RETREG1: variants seen among roughly 807,000 people sequenced by gnomAD.
RETREG1 encodes the protein reticulophagy regulator 1.
In RETREG1, 44 loss-of-function variants were observed where a neutral mutation model predicts 54.8. The ratio of observed to expected loss-of-function variants is 0.80; its 90% CI spans 0.63 to 1.03. The LOEUF is 1.03. RETREG1 is among the 50% of genes least tolerant of loss of function. The pLI is 0.00. For synonymous variants in RETREG1, 217 were observed against 238.5 expected (o/e 0.91, Z 0.83); for missense variants, 554 against 605.1 (o/e 0.92, Z 0.89).
chr5:16,536,312 C>T (rs1364840887), intron 3 of RETREG1, among the ~76,000 whole-genome samples: 1 of 152,150 alleles, frequency 6.6e-6, no homozygotes, highest in Non-Finnish European at 1.5e-5. Context: ...GCAGGAAGCC[C>T]ACACTGATTC....
At chr5:16,589,316 GT>G (rs796283033) in intron 1 of RETREG1, among the ~76,000 whole-genome samples, 199 of 141,722 alleles carry the variant, frequency 1.4e-3, no homozygotes, top group East Asian at 9.9e-3. Flanking sequence ...AAACTTGAGT[GT>G]TTTTTTTTTT....
intron 1 of RETREG1, among the ~76,000 whole-genome samples, chr5:16,575,584 G>T (rs1288775766): frequency 1.3e-5 from 2 of 152,220 alleles, no homozygotes; most frequent in Admixed American, 1.3e-4. Context: ...CCACAGGCCT[G>T]GCTGCCAGAC....
chr5:16,563,462 A>G (rs1434641451), intron 3 of RETREG1, among the ~76,000 whole-genome samples: 1 of 151,902 alleles, frequency 6.6e-6, no homozygotes, highest in Non-Finnish European at 1.5e-5. Context: ...TCTCCCTACC[A>G]TTGCCCAGGC....
intron 1 of RETREG1, among the ~76,000 whole-genome samples, chr5:16,573,047 GT>G (rs1742222333): frequency 6.6e-6 from 1 of 151,868 alleles, no homozygotes; most frequent in African/African-American, 2.4e-5. Flanking sequence ...GCCAGGCATG[GT>G]GGCGTGCGCC....
intron 1 of RETREG1, among the ~76,000 whole-genome samples, chr5:16,590,414 G>A (rs913061058): frequency 2.6e-5 from 4 of 152,170 alleles, no homozygotes; most frequent in African/African-American, 7.2e-5. Flanking sequence ...TTCCTTCAAG[G>A]TTCTTTTATG....
At chr5:16,569,937 C>G (rs753964634) in intron 2 of RETREG1, among the ~76,000 whole-genome samples, 4 of 152,198 alleles carry the variant, frequency 2.6e-5, no homozygotes, top group African/African-American at 9.7e-5. Context: ...ATGGAATGCC[C>G]GCAACTCCCA....
chr5:16,493,221 A>G (rs1013638579), intron 3 of RETREG1, among the ~76,000 whole-genome samples: 3 of 152,218 alleles, frequency 2.0e-5, no homozygotes, highest in Non-Finnish European at 4.4e-5. Flanking sequence ...ATCCACCTAG[A>G]TCATTTGGGA....
At chr5:16,569,833 T>A (rs1742125963) in intron 2 of RETREG1, among the ~76,000 whole-genome samples, 1 of 152,150 alleles carries the variant, frequency 6.6e-6, no homozygotes, top group Non-Finnish European at 1.5e-5. Flanking sequence ...CAATCGTAAG[T>A]GTACTTACAA....
rs1741858725 is a variant in RETREG1 at position 16,561,626 on chromosome 5, CA to C, written c.458+4136del. ...AAGGAGAGAAATAGCCTAAGTCTAA[CA>C]AAAGCCCTAGAATAGGGAGCTTCTC... On this transcript the variant is annotated intron_variant, in intron 3 of 8. Coordinates refer to ENST00000306320, the MANE Select transcript of RETREG1 (RefSeq NM_001034850.3). This position sits in a 1 kb window ranked among gnomAD's most constrained non-coding sequence, Gnocchi z 4.2. 6.6e-6 allele frequency among the ~76,000 whole-genome samples: 1 copy of C among 152,170 alleles called. No individual in the cohort carries two copies. The highest frequency in any genetic ancestry group is 2.4e-5 in the African/African-American group (1 of 41,432).
At chr5:16,611,870 GC>G (rs1371961561) in intron 1 of RETREG1, among the ~76,000 whole-genome samples, 1 of 152,108 alleles carries the variant, frequency 6.6e-6, no homozygotes, top group Non-Finnish European at 1.5e-5. Context: ...TTCGTGACCA[GC>G]CTGACCAATA....
At chr5:16,518,238 ATATAAG>A (rs1424472217) in intron 3 of RETREG1, among the ~76,000 whole-genome samples, 2 of 148,064 alleles carry the variant, frequency 1.4e-5, no homozygotes, top group Non-Finnish European at 3.0e-5. Context: ...TTTATATATT[ATATAAG>A]TATATTATGG....
intron 8 of RETREG1, among the ~76,000 whole-genome samples, chr5:16,477,172 A>T (rs1239622715): frequency 6.6e-6 from 1 of 152,068 alleles, no homozygotes; most frequent in South Asian, 2.1e-4. Flanking sequence ...ACATTGACTG[A>T]TTTATTTTCC....
chr5:16,480,770 A>G (rs1313548976), intron 5 of RETREG1, among the ~76,000 whole-genome samples: 1 of 152,102 alleles, frequency 6.6e-6, no homozygotes, highest in Non-Finnish European at 1.5e-5. Context: ...ACTTTTACTG[A>G]CAAAATTTAA....
chr5:16,572,603 C>T lies in RETREG1; in HGVS notation c.321-501G>A, dbSNP rs551411830. ...AGCAAAATGAAAGTGTCTGAGCCTG[C>T]GCGCTTTTGTGCTAAGCTTTCTGCT... On this transcript the variant is annotated intron_variant, in intron 1 of 8. Transcript: ENST00000306320. 5.9e-5 allele frequency among the ~76,000 whole-genome samples: 9 copies of T among 152,302 alleles called. No individual in the cohort carries two copies. In the East Asian group the frequency reaches 1.4e-3, roughly 23 times the overall value.
intron 3 of RETREG1, among the ~76,000 whole-genome samples, chr5:16,547,446 C>G (rs1054164684): frequency 6.6e-6 from 1 of 152,216 alleles, no homozygotes; most frequent in Non-Finnish European, 1.5e-5. Context: ...CATTCCCTTT[C>G]AACCATCTTC....
intron 3 of RETREG1, among the ~76,000 whole-genome samples, chr5:16,520,540 G>A (rs146345103): frequency 0.019 from 2,816 of 152,118 alleles, 82 homozygotes; most frequent in African/African-American, 0.063. Context: ...ATGTTGGCCA[G>A]GCTGGTCTGG....
intron 3 of RETREG1, among the ~76,000 whole-genome samples, chr5:16,541,276 A>G (rs1162358195): frequency 3.3e-5 from 5 of 152,210 alleles, no homozygotes; most frequent in Non-Finnish European, 5.9e-5. Flanking sequence ...ACAGTGAGCA[A>G]TAAATTTCCA....
chr5:16,519,251 T>G (rs1740453928), intron 3 of RETREG1, among the ~76,000 whole-genome samples: 1 of 152,112 alleles, frequency 6.6e-6, no homozygotes, highest in Admixed American at 6.5e-5. Context: ...TTCAAAGCAA[T>G]ACAAACTTTT....
chr5:16,511,755 C>T (rs1740182287), intron 3 of RETREG1, among the ~76,000 whole-genome samples: 1 of 152,108 alleles, frequency 6.6e-6, no homozygotes, highest in Non-Finnish European at 1.5e-5. Flanking sequence ...GGCATCTGCT[C>T]AGCTTCTGGG....
Sources: gnomAD v4.1 joint callset for allele counts (sites outside exome capture counted in the v4.1 genomes callset) on GRCh38, gnomAD v4.1.1 for gene constraint, Gnocchi (gnomAD v3.1) non-coding constraint, MANE v1.5 for transcripts, NCBI Gene and HGNC (gene_info 2026-07-23, HGNC 2026-07-21) for gene names.